The following DRAXIN variants were observed in gnomAD, a reference collection of about 807,000 sequenced individuals.
DRAXIN encodes the protein dorsal repulsive axon guidance protein.
Under a neutral mutation model 33.9 loss-of-function variants are expected in DRAXIN, and 27 were observed. The observed-to-expected ratio is 0.80, with a 90% CI of 0.59 to 1.10. The LOEUF (loss-of-function observed/expected upper bound fraction) is 1.10. Among genes scored for constraint, DRAXIN ranks in the 50% least tolerant of loss-of-function variants. The probability of loss-of-function intolerance (pLI) is 0.00; values close to 1 mark genes in which losing one functional copy is unlikely to be tolerated. For missense variants in DRAXIN, 371 were observed against 460.8 expected (o/e 0.81, Z 1.78); for synonymous variants, 178 against 194.0 (o/e 0.92, Z 0.69).
Position 11,696,312 on chromosome 1 carries a change from G to A in DRAXIN, c.-11+4459G>A, listed in dbSNP as rs890631540. On this transcript the variant is annotated intron_variant, in intron 1 of 6. Transcript: ENST00000294485. This position sits in a 1 kb window ranked among gnomAD's most constrained non-coding sequence, Gnocchi z 4.7. ...TTATAAACATTTACTCCCCAGCCGG[G>A]TGCGGTGGCTCACGCCTGTAATCCC... is the stretch of plus-strand genomic sequence containing the variant. Among the ~76,000 whole-genome samples the A allele has an allele frequency of 1.5e-4, 23 of 152,338 alleles. No individual in the cohort carries two copies. The highest frequency in any genetic ancestry group is 1.4e-3 in the Admixed American group (21 of 15,306).
intron 3 of DRAXIN, 111 bp from the exon 4 acceptor site, chr1:11,711,740 G>A: frequency 2.1e-6 from 2 of 971,212 alleles, no homozygotes; most frequent in South Asian, 3.0e-5. Flanking sequence ...GCCCAGCAGA[G>A]GATAAGGTGG....
chr1:11,712,360 T>C lies in DRAXIN; in HGVS notation c.778T>C (p.Ser260Pro), dbSNP rs1335127242. The C allele has an allele frequency of 7.4e-6, 12 of 1,613,760 alleles. No individual in the cohort carries two copies. The highest frequency in any genetic ancestry group is 1.0e-5 in the Non-Finnish European group (12 of 1,179,964). The change falls in exon 5 of 7, where the codon TCC becomes CCC. Residue 260 changes from serine (S) to proline (P), a missense_variant. Transcript: ENST00000294485. ...KKKEKHRGKLSSDGNETSPAE... is the reference protein window; with the variant it reads ...KKKEKHRGKLPSDGNETSPAE... ...CCCAGAGAAACACCGCGGTAAACTC[T>C]CCAGTGATGGTAACGAAACATCACC...
At chr1:11,700,725 C>G (rs1555079) in intron 1 of DRAXIN, among the ~76,000 whole-genome samples, 2 of 152,078 alleles carry the variant, frequency 1.3e-5, no homozygotes, top group East Asian at 1.9e-4. Flanking sequence ...TGGGGGGTTG[C>G]CTGCTTCACA....
intron 2 of DRAXIN, among the ~76,000 whole-genome samples, chr1:11,708,836 A>G (rs1641430500): frequency 6.6e-6 from 1 of 152,174 alleles, no homozygotes; most frequent in African/African-American, 2.4e-5. Context: ...CTTGTGTGTG[A>G]TAAGCAGTGA....
rs1191113206 is a variant in DRAXIN, at chr1:11,706,231, G to A, written c.-10-18G>A. The A allele has an allele frequency of 2.6e-6, 4 of 1,550,364 alleles. No individual in the cohort carries two copies. The highest frequency in any genetic ancestry group is 2.0e-5 in the Admixed American group (1 of 51,264). The stretch of plus-strand genomic sequence containing the variant: ...AGAGGCCTGGGGCTGCGCATTCATG[G>A]TGTTGCTCTTCTTGCAGGGAGGAGC... On this transcript the variant is annotated intron_variant, in intron 1 of 6. Transcript: ENST00000294485. The surrounding 1 kb of genome is among the most constrained non-coding windows in gnomAD (Gnocchi z 5.5).
At chr1:11,710,339 T>TA (rs1208758787) in intron 3 of DRAXIN, among the ~76,000 whole-genome samples, 1 of 150,538 alleles carries the variant, frequency 6.6e-6, no homozygotes, top group Non-Finnish European at 1.5e-5. Context: ...AAAACTTTTT[T>TA]AAAAAATTAG....
At chr1:11,698,011 A>G (rs1641218070) in intron 1 of DRAXIN, among the ~76,000 whole-genome samples, 2 of 152,006 alleles carry the variant, frequency 1.3e-5, no homozygotes, top group African/African-American at 4.8e-5. Context: ...CCCATCCTCT[A>G]TGCCACCTGC....
chr1:11,719,871 A>G lies in DRAXIN; in HGVS notation c.*175A>G. On this transcript the variant is annotated 3_prime_UTR_variant, in exon 7 of 7. Coordinates refer to ENST00000294485, the MANE Select transcript of DRAXIN (RefSeq NM_198545.4). ...CGGCGAATGAGCTGGGTGGGTGCCCAGGAGCCGGCCCGCAGCACCTGCACA... is the reference window on the plus strand; with the variant it reads ...CGGCGAATGAGCTGGGTGGGTGCCCGGGAGCCGGCCCGCAGCACCTGCACA... 3 of 619,476 alleles carry G rather than the reference A, an allele frequency of 4.8e-6. No individual in the cohort carries two copies. The highest frequency in any genetic ancestry group is 2.7e-5 in the Admixed American group (1 of 36,738). The allele number at this position is 619,476 out of a possible 1,614,324, so 38.4% of individuals were successfully genotyped here.
intron 1 of DRAXIN, among the ~76,000 whole-genome samples, chr1:11,701,433 A>G (rs1001692249): frequency 6.6e-6 from 1 of 152,248 alleles, no homozygotes; most frequent in Non-Finnish European, 1.5e-5. Flanking sequence ...GTTGAGAGGA[A>G]AAATGAGATG....
At chr1:11,711,741 G>T in intron 3 of DRAXIN, 110 bp from the exon 4 acceptor site, 1 of 981,294 alleles carries the variant, frequency 1.0e-6, no homozygotes, top group Non-Finnish European at 1.6e-6. Context: ...CCCAGCAGAG[G>T]ATAAGGTGGC....
At position 11,719,579 on chromosome 1, in the gene DRAXIN, C is replaced by T. The variant is rs764856644; in HGVS notation, c.938-5C>T. The T allele has an allele frequency of 3.1e-6, 5 of 1,608,800 alleles. No homozygotes were observed. The highest frequency in any genetic ancestry group is 3.4e-6 in the Non-Finnish European group (4 of 1,177,348). ...CTCTGACCCCCCTTGCCTCCACTCG[C>T]CCAGGGCTGCGCTGCTATGCCAAAT... On this transcript the variant is annotated splice_polypyrimidine_tract_variant and splice_region_variant and intron_variant, in intron 6 of 6. Transcript: ENST00000294485.
At chr1:11,697,783 C>G (rs535052560) in intron 1 of DRAXIN, among the ~76,000 whole-genome samples, 1 of 152,284 alleles carries the variant, frequency 6.6e-6, no homozygotes, top group East Asian at 1.9e-4. Context: ...AAAGGCAGAG[C>G]TCTGTGCCTG....
At chr1:11,709,671 A>G (rs976766279) in intron 3 of DRAXIN, among the ~76,000 whole-genome samples, 2 of 152,188 alleles carry the variant, frequency 1.3e-5, no homozygotes, top group Non-Finnish European at 2.9e-5. Context: ...GCCACTGTCC[A>G]GGGCAAAGTG....
rs1290020770 is a variant in DRAXIN, at chr1:11,704,464, C to A, written c.-10-1785C>A. 6.6e-6 allele frequency among the ~76,000 whole-genome samples: 1 copy of A among 152,200 alleles called. No individual in the cohort carries two copies. The highest frequency in any genetic ancestry group is 1.5e-5 in the Non-Finnish European group (1 of 68,040). ...GAGTGACAGGCCTTTAAAATGGGCC[C>A]CTCCTCCCCCTGGGCTGCCTCAGGA... On this transcript the variant is annotated intron_variant, in intron 1 of 6. Transcript: ENST00000294485. This position sits in a 1 kb window ranked among gnomAD's most constrained non-coding sequence, Gnocchi z 4.6.
chr1:11,709,982 C>G (rs12118130), intron 3 of DRAXIN, among the ~76,000 whole-genome samples: 1 of 151,932 alleles, frequency 6.6e-6, no homozygotes, highest in East Asian at 1.9e-4. Flanking sequence ...GTCAGGAGTT[C>G]GAGACCAGCC....
At chr1:11,702,186 T>C (rs916922420) in intron 1 of DRAXIN, among the ~76,000 whole-genome samples, 1 of 145,376 alleles carries the variant, frequency 6.9e-6, no homozygotes, top group African/African-American at 2.6e-5. Context: ...ACACACATGC[T>C]CACACATACA....
rs1265390422 is a variant in DRAXIN, at chr1:11,704,409, T to C, written c.-10-1840T>C. Among the ~76,000 whole-genome samples, 2 of 152,190 alleles carry C rather than the reference T, an allele frequency of 1.3e-5. No homozygotes were observed. Among genetic ancestry groups the C allele is most frequent in the Non-Finnish European group, 2.9e-5 (2 of 68,026 alleles). On this transcript the variant is annotated intron_variant, in intron 1 of 6. Transcript: ENST00000294485. The surrounding 1 kb of genome is among the most constrained non-coding windows in gnomAD (Gnocchi z 4.6). The stretch of plus-strand genomic sequence containing the variant: ...CCGCTCCACTGGCCCCGAAGCAGGA[T>C]TGAGGTTCCCTCTGCGCCGAACAAT...
At position 11,700,521 on chromosome 1, in the gene DRAXIN, T is replaced by C. The variant is rs556201117; in HGVS notation, c.-10-5728T>C. ...ATGTTCAAATTGGGTAGAGAATGTA[T>C]TCGAGAGTGTCTGTTATTTTTACTA... On this transcript the variant is annotated intron_variant, in intron 1 of 6. Transcript: ENST00000294485. Among the ~76,000 whole-genome samples, 6 of 152,366 alleles carry C rather than the reference T, an allele frequency of 3.9e-5. No individual in the cohort carries two copies. The East Asian group carries it at 1.2e-3, about 29-fold the overall frequency.
intron 5 of DRAXIN, among the ~76,000 whole-genome samples, chr1:11,712,675 G>C (rs1641512601): frequency 6.6e-6 from 1 of 151,972 alleles, no homozygotes; most frequent in African/African-American, 2.4e-5. Flanking sequence ...GAGGCGGGTG[G>C]AACACCTGAG....
Sources: allele counts gnomAD v4.1 joint callset (sites outside exome capture counted in the v4.1 genomes callset), GRCh38; gene constraint gnomAD v4.1.1; non-coding constraint Gnocchi (gnomAD v3.1); transcripts MANE v1.5; gene names NCBI Gene and HGNC (gene_info 2026-07-23, HGNC 2026-07-21).